The following VIPR1 variants were observed in gnomAD, a reference collection of about 807,000 sequenced individuals.
VIPR1 encodes vasoactive intestinal polypeptide receptor 1.
Under a neutral mutation model 58.8 loss-of-function variants are expected in VIPR1, and 59 were observed. That is an observed-to-expected ratio of 1.00 (90% CI 0.81 to 1.25). The LOEUF is 1.25. VIPR1 is among the 50% of genes most tolerant of loss of function. The pLI, the probability that VIPR1 is intolerant of heterozygous loss-of-function variation, is 0.00. For synonymous variants in VIPR1, 251 were observed against 242.1 expected (o/e 1.04, Z -0.34); for missense variants, 626 against 602.7 (o/e 1.04, Z -0.40).
At chr3:42,503,352 G>A (rs1699959968) in intron 1 of VIPR1, among the ~76,000 whole-genome samples, 1 of 152,152 alleles carries the variant, frequency 6.6e-6, no homozygotes, top group Non-Finnish European at 1.5e-5. Context: ...CTCCCACTGA[G>A]CAAAGCAAAA....
chr3:42,502,864 G>GGGCGGGGGA, intron 1 of VIPR1, 51 bp downstream of exon 1: 1 of 1,221,018 alleles, frequency 8.2e-7, no homozygotes. Flanking sequence ...GGGTTGCGGA[G>GGGCGGGGGA]GGCGGGGGAG....
At chr3:42,525,163 G>A (rs962984398) in intron 3 of VIPR1, among the ~76,000 whole-genome samples, 1 of 151,910 alleles carries the variant, frequency 6.6e-6, no homozygotes, top group African/African-American at 2.4e-5. Context: ...CCCCAGTGCT[G>A]GAGAGTGGGG....
chr3:42,497,616 CTTGAATTGTAGCTCT>C (rs1699789479), intron 1 of VIPR1, among the ~76,000 whole-genome samples: 1 of 152,204 alleles, frequency 6.6e-6, no homozygotes, highest in Admixed American at 6.5e-5. Flanking sequence ...CAAATGTCAT[CTTGAATTGTAGCTCT>C]CATAATTCCC....
chr3:42,495,295 T>G (rs1031188057), intron 1 of VIPR1, among the ~76,000 whole-genome samples: 13 of 151,964 alleles, frequency 8.6e-5, no homozygotes, highest in Non-Finnish European at 1.2e-4. Context: ...CTAAATTTTT[T>G]TATTTTTAGT....
At chr3:42,512,116 T>C (rs1370802954) in intron 1 of VIPR1, 1 of 152,266 alleles carries the variant, frequency 6.6e-6, no homozygotes, top group Non-Finnish European at 1.5e-5. Flanking sequence ...TCGTGCTCAC[T>C]GTGGCTTCCA....
intron 1 of VIPR1, among the ~76,000 whole-genome samples, chr3:42,510,245 G>A (rs1000178806): frequency 6.6e-6 from 1 of 152,058 alleles, no homozygotes; most frequent in Non-Finnish European, 1.5e-5. Context: ...ACTTCTAATT[G>A]TCTAACTTGC....
At chr3:42,514,214 A>C (rs1427419332) in intron 2 of VIPR1, among the ~76,000 whole-genome samples, 3 of 152,012 alleles carry the variant, frequency 2.0e-5, no homozygotes, top group African/African-American at 7.3e-5. Context: ...GGGATCTGTG[A>C]CCAATGAGGG....
chr3:42,505,773 G>T (rs1700094689), intron 1 of VIPR1, among the ~76,000 whole-genome samples: 1 of 152,222 alleles, frequency 6.6e-6, no homozygotes, highest in South Asian at 2.1e-4. Context: ...CTTGACCTTG[G>T]GAACATCTTT....
chr3:42,534,718 G>A (rs1378620734), intron 10 of VIPR1: 1 of 358,878 alleles, frequency 2.8e-6, no homozygotes, highest in Non-Finnish European at 5.1e-6. Context: ...CCTCCAGAAG[G>A]GTGAGAATAG....
intron 6 of VIPR1, chr3:42,528,662 G>A (rs1472049237): frequency 6.5e-6 from 1 of 153,498 alleles, no homozygotes; most frequent in Non-Finnish European, 1.5e-5. Context: ...GGCCTTCCTA[G>A]GGAAGAGAGG....
upstream of VIPR1, among the ~76,000 whole-genome samples, chr3:42,499,663 T>G (rs1023730602): frequency 4.6e-5 from 7 of 152,242 alleles, no homozygotes; most frequent in South Asian, 2.1e-4. Context: ...AAGCCTGGAC[T>G]GGGAAGGCAA....
intron 2 of VIPR1, among the ~76,000 whole-genome samples, chr3:42,517,143 A>T (rs940194654): frequency 3.3e-5 from 5 of 152,228 alleles, no homozygotes; most frequent in African/African-American, 1.2e-4. Flanking sequence ...TGTCCTCCTC[A>T]GCCTTCAGCT....
chr3:42,512,920 C>T, intron 1 of VIPR1: 1 of 985,538 alleles, frequency 1.0e-6, no homozygotes, highest in South Asian at 4.7e-5. Flanking sequence ...CCTAGACAGC[C>T]ATCACCCCCA....
chr3:42,515,830 C>T (rs1238319527), intron 2 of VIPR1, among the ~76,000 whole-genome samples: 1 of 152,174 alleles, frequency 6.6e-6, no homozygotes, highest in Non-Finnish European at 1.5e-5. Context: ...CACATGCCAT[C>T]TCGACATGCC....
intron 10 of VIPR1, chr3:42,532,645 A>C: frequency 2.2e-6 from 1 of 464,528 alleles, no homozygotes; most frequent in Non-Finnish European, 4.0e-6. Context: ...TGTTCATACC[A>C]TGTGCCCAGT....
chr3:42,527,163 G>A (rs1701276413), intron 4 of VIPR1, among the ~76,000 whole-genome samples: 1 of 152,172 alleles, frequency 6.6e-6, no homozygotes, highest in Admixed American at 6.5e-5. Context: ...AAGACAGGAA[G>A]TACATTCAAC....
At chr3:42,526,187 G>A (rs1369161167) in intron 4 of VIPR1, among the ~76,000 whole-genome samples, 194 bp downstream of exon 4, 1 of 152,216 alleles carries the variant, frequency 6.6e-6, no homozygotes. Context: ...GGTATGGGAG[G>A]AGGCTTTCCC....
At chr3:42,492,867 C>T (rs2125623069) in intron 1 of VIPR1, among the ~76,000 whole-genome samples, 1 of 152,334 alleles carries the variant, frequency 6.6e-6, no homozygotes, top group East Asian at 1.9e-4. Context: ...GCCCCAGCCC[C>T]ACCAAACCCT....
intron 3 of VIPR1, among the ~76,000 whole-genome samples, chr3:42,524,741 G>A (rs927360965): frequency 1.3e-5 from 2 of 152,104 alleles, no homozygotes; most frequent in Non-Finnish European, 2.9e-5. Flanking sequence ...TCTGGTCACC[G>A]AAATAAGTCC....
Sources: allele counts gnomAD v4.1 joint callset (sites outside exome capture counted in the v4.1 genomes callset), GRCh38; gene constraint gnomAD v4.1.1; transcripts MANE v1.5; gene names NCBI Gene and HGNC (gene_info 2026-07-23, HGNC 2026-07-21).